HSDL2: variants seen among roughly 807,000 people sequenced by gnomAD.
HSDL2 encodes hydroxysteroid dehydrogenase-like protein 2.
HSDL2 carries 27 observed loss-of-function variants against 46.3 expected under a neutral mutation model. The ratio of observed to expected loss-of-function variants is 0.58; its 90% confidence interval spans 0.43 to 0.80. The LOEUF (loss-of-function observed/expected upper bound fraction) is 0.80, where lower values mean the gene tolerates loss of function less well. Ranked by LOEUF, HSDL2 falls within the 30% of genes least tolerant of loss-of-function variation. The probability of loss-of-function intolerance (pLI) is 0.00; values close to 1 mark genes in which losing one functional copy is unlikely to be tolerated. For synonymous variants in HSDL2, 153 were observed against 163.6 expected (o/e 0.94, Z 0.50); for missense variants, 451 against 502.7 (o/e 0.90, Z 0.98).
chr9:112,384,817 G>A (rs1165577668), intron 1 of HSDL2, among the ~76,000 whole-genome samples: 2 of 150,814 alleles, frequency 1.3e-5, no homozygotes, highest in Non-Finnish European at 2.9e-5. Context: ...GACAAATCAC[G>A]TAATCCATAG....
chr9:112,410,248 T>C (rs1831830379), intron 4 of HSDL2, among the ~76,000 whole-genome samples: 1 of 152,248 alleles, frequency 6.6e-6, no homozygotes, highest in African/African-American at 2.4e-5. Flanking sequence ...TCTGGTTCTA[T>C]ATTTTCCATG....
chr9:112,433,868 A>G (rs1039784328), intron 6 of HSDL2: 1 of 152,252 alleles, frequency 6.6e-6, no homozygotes, highest in African/African-American at 2.4e-5. Context: ...TGTAACATAC[A>G]TTATCCTCAA....
chr9:112,459,101 A>G (rs1292664273), intron 9 of HSDL2, among the ~76,000 whole-genome samples: 1 of 152,226 alleles, frequency 6.6e-6, no homozygotes, highest in African/African-American at 2.4e-5. Flanking sequence ...CCCATTAAAC[A>G]GTTAACTCCC....
intron 8 of HSDL2, among the ~76,000 whole-genome samples, chr9:112,442,077 C>T (rs539465917): frequency 1.3e-5 from 2 of 151,558 alleles, no homozygotes; most frequent in Admixed American, 6.6e-5. Flanking sequence ...GCTTGGGCAA[C>T]ATGGCGAAAC....
intron 6 of HSDL2, among the ~76,000 whole-genome samples, chr9:112,429,752 C>T (rs115686351): frequency 6.6e-6 from 1 of 152,120 alleles, no homozygotes; most frequent in Non-Finnish European, 1.5e-5. Flanking sequence ...GGATTGGAGT[C>T]TCAGCCATTG....
chr9:112,438,413 T>C lies in HSDL2; in HGVS notation c.599-18T>C. On this transcript the variant is annotated intron_variant, in intron 6 of 10. Transcript: ENST00000398805. ...ATTTGGAGTTATGAGTGTATGTGTG[T>C]GTGTGTTTTCTCTACAGCCATACAC... The C allele has an allele frequency of 6.6e-7, 1 of 1,522,334 alleles. No homozygotes were observed. The highest frequency in any genetic ancestry group is 8.8e-7 in the Non-Finnish European group (1 of 1,131,218). 94.3% of individuals were successfully genotyped at this position (1,522,334 alleles called of 1,614,324 possible).
At chr9:112,409,923 T>C (rs952120068) in intron 4 of HSDL2, among the ~76,000 whole-genome samples, 1 of 151,952 alleles carries the variant, frequency 6.6e-6, no homozygotes, top group African/African-American at 2.4e-5. Context: ...AATACTTACA[T>C]GTATACTCTG....
intron 4 of HSDL2, among the ~76,000 whole-genome samples, chr9:112,409,772 G>T (rs2132630158): frequency 6.6e-6 from 1 of 152,070 alleles, no homozygotes. Context: ...AGGATCCCTT[G>T]AGCCCAGGAG....
chr9:112,383,594 C>T (rs1032967291), intron 1 of HSDL2, among the ~76,000 whole-genome samples: 20 of 152,090 alleles, frequency 1.3e-4, no homozygotes, highest in African/African-American at 4.8e-4. Flanking sequence ...CTCTTCTGCT[C>T]GAAATTCTAC....
intron 8 of HSDL2, among the ~76,000 whole-genome samples, chr9:112,445,577 T>C (rs559357239): frequency 6.6e-6 from 1 of 152,266 alleles, no homozygotes; most frequent in Non-Finnish European, 1.5e-5. Flanking sequence ...CTGGCTGGAA[T>C]GCAGTGGCAT....
chr9:112,386,622 A>AT (rs2132591591), intron 1 of HSDL2, among the ~76,000 whole-genome samples: 1 of 151,414 alleles, frequency 6.6e-6, no homozygotes, highest in Non-Finnish European at 1.5e-5. Context: ...TCTCTACCAA[A>AT]AAAAAATAAA....
intron 8 of HSDL2, among the ~76,000 whole-genome samples, chr9:112,453,507 C>T (rs1832938116): frequency 6.6e-6 from 1 of 152,158 alleles, no homozygotes; most frequent in Admixed American, 6.5e-5. Context: ...ATCCTCTCAC[C>T]TCAGCCTCCC....
chr9:112,380,202 G>T (rs1396340121), intron 1 of HSDL2, 22 bp downstream of exon 1: 19 of 1,558,166 alleles, frequency 1.2e-5, no homozygotes, highest in African/African-American at 2.8e-5. Context: ...GGGGCGGCGC[G>T]GGGAGAGACC....
In HSDL2 at chr9:112,441,187, G is replaced by A. The variant is rs73537870; in HGVS notation, c.794-512G>A. On this transcript the variant is annotated intron_variant, in intron 7 of 10. Transcript: ENST00000398805. Reference sequence around the variant, plus strand: ...TGCACTCCAGCCTGGGTGACAGTGAGACCCTGTGTCAATAATAATAATAAT... The same window carrying A: ...TGCACTCCAGCCTGGGTGACAGTGAAACCCTGTGTCAATAATAATAATAAT... Among the ~76,000 whole-genome samples the A allele has an allele frequency of 6.8e-3, 1,039 of 152,074 alleles. 9 individuals are homozygous for A. Among genetic ancestry groups the A allele is most frequent in the African/African-American group, 0.024 (981 of 41,468 alleles).
At chr9:112,418,830 T>C in intron 5 of HSDL2, 30 bp from the exon 6 acceptor site, 1 of 1,247,254 alleles carries the variant, frequency 8.0e-7, no homozygotes. Context: ...TCTTTTATAA[T>C]TAAATTATTA....
At chr9:112,431,262 T>C (rs1832389781) in intron 6 of HSDL2, among the ~76,000 whole-genome samples, 1 of 151,768 alleles carries the variant, frequency 6.6e-6, no homozygotes, top group African/African-American at 2.4e-5. Context: ...AGGAGAGCGG[T>C]CCAGGTTGGA....
intron 1 of HSDL2, among the ~76,000 whole-genome samples, chr9:112,395,749 G>T (rs7033271): frequency 0.92 from 140,830 of 152,312 alleles, 65,243 homozygotes; most frequent in African/African-American, 0.98. Flanking sequence ...GGCCCTTAAA[G>T]CAGTTACCAT....
chr9:112,412,179 A>T (rs1831885511), intron 4 of HSDL2, among the ~76,000 whole-genome samples: 1 of 152,230 alleles, frequency 6.6e-6, no homozygotes, highest in Non-Finnish European at 1.5e-5. Flanking sequence ...GTTAAGTATA[A>T]TGCAGATATT....
intron 10 of HSDL2, among the ~76,000 whole-genome samples, chr9:112,464,221 CACAG>C (rs1240068129): frequency 1.3e-3 from 1 of 770 alleles, no homozygotes; most frequent in African/African-American, 0.011. Flanking sequence ...CAGACACACA[CACAG>C]ACACACACAC....
Sources: allele counts gnomAD v4.1 joint callset (sites outside exome capture counted in the v4.1 genomes callset), GRCh38; gene constraint gnomAD v4.1.1; transcripts MANE v1.5; gene names NCBI Gene and HGNC (gene_info 2026-07-23, HGNC 2026-07-21).